Variants in SV2C observed in about 807,000 individuals in gnomAD.
SV2C encodes the protein synaptic vesicle glycoprotein 2C, also known as solute carrier family 22 member B3.
Under a neutral mutation model 79.7 loss-of-function variants are expected in SV2C, and 49 were observed. That is an observed-to-expected ratio of 0.61 (90% CI 0.49 to 0.78). The LOEUF is 0.78. Ranked by LOEUF, SV2C falls within the 30% of genes least tolerant of loss-of-function variation. The pLI, the probability that SV2C is intolerant of heterozygous loss-of-function variation, is 0.00. For missense variants in SV2C, 833 were observed against 912.9 expected (o/e 0.91, Z 1.13); for synonymous variants, 334 against 333.2 (o/e 1.00, Z -0.03).
intron 1 of SV2C, among the ~76,000 whole-genome samples, chr5:76,099,113 A>G (rs887677306): frequency 6.6e-6 from 1 of 152,182 alleles, no homozygotes; most frequent in African/African-American, 2.4e-5. Context: ...GTGTAACATC[A>G]TATTTCACTT....
At chr5:76,004,437 G>C in the SV2C span, among the ~76,000 whole-genome samples, 545 of 152,256 alleles carry the variant, frequency 3.6e-3, 4 homozygotes, top group African/African-American at 0.013. Flanking sequence ...ATTATTGTCA[G>C]GATTAGAGGG....
the SV2C span, among the ~76,000 whole-genome samples, chr5:75,851,571 G>T: frequency 6.6e-6 from 1 of 151,966 alleles, no homozygotes; most frequent in African/African-American, 2.4e-5. Context: ...CCTTTACAAA[G>T]TGATTACAAG....
At chr5:76,054,453 TA>T in the SV2C span, among the ~76,000 whole-genome samples, 2 of 152,246 alleles carry the variant, frequency 1.3e-5, no homozygotes, top group African/African-American at 4.8e-5. Flanking sequence ...GCAATAAACA[TA>T]TGTGTGCATG....
chr5:75,885,872 A>G, the SV2C span, among the ~76,000 whole-genome samples: 1 of 152,132 alleles, frequency 6.6e-6, no homozygotes, highest in East Asian at 1.9e-4. Flanking sequence ...TCAATGGGAA[A>G]TGCTCTTGGA....
At chr5:75,963,096 A>G in the SV2C span, among the ~76,000 whole-genome samples, 8 of 152,246 alleles carry the variant, frequency 5.3e-5, no homozygotes, top group African/African-American at 1.9e-4. Context: ...CCTCCCAAAA[A>G]GGTGAGGCAC....
chr5:76,044,744 T>A, the SV2C span, among the ~76,000 whole-genome samples: 4 of 152,212 alleles, frequency 2.6e-5, no homozygotes, highest in African/African-American at 9.6e-5. Context: ...CTTTGCCCCC[T>A]TTTTAATGGG....
intron 4 of SV2C, among the ~76,000 whole-genome samples, chr5:76,261,994 G>C (rs538418189): frequency 6.6e-6 from 1 of 151,992 alleles, no homozygotes; most frequent in Non-Finnish European, 1.5e-5. Flanking sequence ...TTTTTTTATT[G>C]TTTGGAATAG....
At chr5:76,228,050 A>G (rs112956313) in intron 4 of SV2C, among the ~76,000 whole-genome samples, 1 of 148,020 alleles carries the variant, frequency 6.8e-6, no homozygotes, top group African/African-American at 2.5e-5. Flanking sequence ...CTTTCTCTCT[A>G]TCTCTCTCTC....
intron 1 of SV2C, among the ~76,000 whole-genome samples, chr5:76,089,235 G>A (rs528403595): frequency 6.8e-4 from 104 of 152,172 alleles, no homozygotes; most frequent in Admixed American, 1.6e-3. Flanking sequence ...GTGTCCATAT[G>A]TTCTCATTGT....
At chr5:75,865,965 C>T in the SV2C span, among the ~76,000 whole-genome samples, 1 of 152,146 alleles carries the variant, frequency 6.6e-6, no homozygotes, top group Non-Finnish European at 1.5e-5. Context: ...CTCCCACTGA[C>T]AAAACCTGTT....
chr5:76,003,121 T>A, the SV2C span, among the ~76,000 whole-genome samples: 1 of 152,254 alleles, frequency 6.6e-6, no homozygotes, highest in East Asian at 1.9e-4. Context: ...CTTACTGCCA[T>A]CATGTGAATA....
intron 4 of SV2C, among the ~76,000 whole-genome samples, 170 bp downstream of exon 4, chr5:76,210,057 A>C (rs1744724530): frequency 6.6e-6 from 1 of 151,966 alleles, no homozygotes; most frequent in Non-Finnish European, 1.5e-5. Context: ...GATCTGTATA[A>C]AGTAAGACTG....
upstream of SV2C, chr5:76,079,053 T>C: frequency 2.5e-6 from 1 of 402,676 alleles, no homozygotes; most frequent in Non-Finnish European, 4.9e-6. Flanking sequence ...CCACCACCGA[T>C]GGGCGCCTGG....
chr5:76,171,694 C>A (rs1204652501), intron 2 of SV2C, among the ~76,000 whole-genome samples: 1,221 of 140,082 alleles, frequency 8.7e-3, no homozygotes, highest in Non-Finnish European at 0.015. Flanking sequence ...CCAGCCGTGC[C>A]GTCCGGGAGG....
intron 1 of SV2C, among the ~76,000 whole-genome samples, chr5:76,121,193 T>C (rs1748482345): frequency 6.6e-6 from 1 of 152,170 alleles, no homozygotes; most frequent in South Asian, 2.1e-4. Context: ...TTCATATCCT[T>C]TGCCCACTTT....
the SV2C span, among the ~76,000 whole-genome samples, chr5:75,857,228 ATTAC>A: frequency 2.0e-5 from 3 of 152,086 alleles, no homozygotes; most frequent in Non-Finnish European, 4.4e-5. Context: ...AAGTGCTGGG[ATTAC>A]AGGTGTGAGC....
chr5:76,066,569 C>A, the SV2C span, among the ~76,000 whole-genome samples: 1 of 151,414 alleles, frequency 6.6e-6, no homozygotes, highest in Non-Finnish European at 1.5e-5. Flanking sequence ...CAAACCTGCA[C>A]GTTGTGCACA....
At chr5:75,873,312 T>C in the SV2C span, among the ~76,000 whole-genome samples, 6 of 152,108 alleles carry the variant, frequency 3.9e-5, no homozygotes, top group African/African-American at 1.4e-4. Flanking sequence ...ACAAAAGAGA[T>C]ACAAATTTTC....
At chr5:75,973,600 G>A in the SV2C span, among the ~76,000 whole-genome samples, 3 of 152,160 alleles carry the variant, frequency 2.0e-5, no homozygotes, top group Middle Eastern at 6.8e-3. Context: ...TGATACATGT[G>A]TAACATTTTG....
Sources: gnomAD v4.1 joint callset for allele counts (sites outside exome capture counted in the v4.1 genomes callset) on GRCh38, gnomAD v4.1.1 for gene constraint, MANE v1.5 for transcripts, NCBI Gene and HGNC (gene_info 2026-07-23, HGNC 2026-07-21) for gene names.